Variants in CREG2 observed in about 807,000 individuals in gnomAD.
The protein encoded by CREG2 is cellular repressor of E1A stimulated genes 2.
Under a neutral mutation model 26.2 loss-of-function variants are expected in CREG2, and 24 were observed. The observed-to-expected ratio is 0.92, with a 90% CI of 0.66 to 1.29. The LOEUF is 1.29. CREG2 is among the 50% of genes most tolerant of loss of function. The pLI is 0.00. For synonymous variants in CREG2, 174 were observed against 169.2 expected (o/e 1.03, Z -0.22); for missense variants, 366 against 398.6 (o/e 0.92, Z 0.70).
intron 2 of CREG2, among the ~76,000 whole-genome samples, chr2:101,366,737 G>A (rs1042552944): frequency 1.1e-4 from 16 of 152,160 alleles, no homozygotes; most frequent in Admixed American, 3.3e-4. Flanking sequence ...CAGGAGAATC[G>A]CTTGAACCCA....
intron 3 of CREG2, among the ~76,000 whole-genome samples, chr2:101,351,928 C>T (rs1257805547): frequency 6.6e-6 from 1 of 152,010 alleles, no homozygotes; most frequent in East Asian, 1.9e-4. Flanking sequence ...CTCTGTTGCC[C>T]TGGCTGGAGT....
chr2:101,379,557 T>A (rs1397928594), intron 2 of CREG2, among the ~76,000 whole-genome samples: 2 of 152,202 alleles, frequency 1.3e-5, no homozygotes, highest in East Asian at 3.9e-4. Flanking sequence ...GATCTAAATA[T>A]CATTTTTGAG....
At chr2:101,361,281 C>A (rs936967667) in intron 2 of CREG2, among the ~76,000 whole-genome samples, 5 of 152,194 alleles carry the variant, frequency 3.3e-5, no homozygotes, top group African/African-American at 9.6e-5. Context: ...GCTAATGGCC[C>A]CCCAAAGATG....
intron 2 of CREG2, among the ~76,000 whole-genome samples, chr2:101,361,158 A>G (rs1684533248): frequency 6.6e-6 from 1 of 152,232 alleles, no homozygotes; most frequent in Non-Finnish European, 1.5e-5. Context: ...GGGTAATTAC[A>G]TAGAAATAAA....
At chr2:101,361,284 C>A (rs2104473867) in intron 2 of CREG2, among the ~76,000 whole-genome samples, 1 of 152,330 alleles carries the variant, frequency 6.6e-6, no homozygotes, top group South Asian at 2.1e-4. Context: ...AATGGCCCCC[C>A]AAAGATGTCC....
chr2:101,365,614 C>A (rs1433934393), intron 2 of CREG2, among the ~76,000 whole-genome samples: 1 of 152,146 alleles, frequency 6.6e-6, no homozygotes, highest in Non-Finnish European at 1.5e-5. Flanking sequence ...TTTTATTTTA[C>A]AGCATACCAG....
At chr2:101,373,334 T>G (rs1290597854) in intron 2 of CREG2, among the ~76,000 whole-genome samples, 4 of 152,212 alleles carry the variant, frequency 2.6e-5, no homozygotes, top group Non-Finnish European at 5.9e-5. Flanking sequence ...TGATGAACCT[T>G]GAAAACATTA....
In CREG2 at chr2:101,379,770, C is replaced by G. The variant is rs144140330; in HGVS notation, c.611+3763G>C. Among the ~76,000 whole-genome samples, 260 of 152,250 alleles carry G rather than the reference C, an allele frequency of 1.7e-3. 1 individual carries two copies. Among genetic ancestry groups the G allele is most frequent in the African/African-American group, 5.2e-3 (215 of 41,546 alleles). On this transcript the variant is annotated intron_variant, in intron 2 of 3. Transcript: ENST00000324768. The stretch of plus-strand genomic sequence containing the variant: ...TATTTATTCTGAGAGGGAGGCAGGC[C>G]CCTGGCCATGAAGGGCCTCCTAGGC...
intron 2 of CREG2, among the ~76,000 whole-genome samples, chr2:101,359,174 C>T (rs553532012): frequency 2.6e-5 from 4 of 151,138 alleles, no homozygotes; most frequent in South Asian, 2.1e-4. Context: ...GGGGGCCAAG[C>T]GGGCAACTTG....
intron 2 of CREG2, among the ~76,000 whole-genome samples, chr2:101,363,234 A>G (rs1030728673): frequency 4.6e-5 from 7 of 152,184 alleles, no homozygotes; most frequent in African/African-American, 1.7e-4. Context: ...CTGAATTGGG[A>G]GAATGATCAG....
Position 101,387,260 on chromosome 2 carries a change from C to G in CREG2, c.198G>C (p.Ser66=). 3.4e-6 allele frequency: 5 copies of G among 1,468,790 alleles called. No individual in the cohort carries two copies. Among genetic ancestry groups the G allele is most frequent in the Non-Finnish European group, 4.5e-6 (5 of 1,101,262 alleles). The allele number at this position is 1,468,790 out of a possible 1,614,324, so 91.0% of individuals were successfully genotyped here. A position where few individuals can be genotyped will look rare whatever the true frequency, so the allele number is the denominator to read the frequency against. ...GGAAGCTTTGCTGCCAGATGCTGCC[C>G]GAATCCTCTAGCAGCGCGGGCATAG... The part of the protein sequence containing the change: ...EEAMPALLED[S]GSIWQQSFPA... Residue 66 remains serine, a synonymous_variant, in exon 1 of 4, where the codon TCG becomes TCC. Coordinates refer to ENST00000324768, the MANE Select transcript of CREG2 (RefSeq NM_153836.4). The surrounding 1 kb of genome is among the most constrained non-coding windows in gnomAD (Gnocchi z 4.7).
intron 2 of CREG2, among the ~76,000 whole-genome samples, chr2:101,359,960 CT>C (rs1269097177): frequency 6.6e-6 from 1 of 152,240 alleles, no homozygotes; most frequent in African/African-American, 2.4e-5. Flanking sequence ...CAATCTAAGT[CT>C]GGCTCCTGAA....
At chr2:101,351,462 A>C (rs1052446845) in intron 3 of CREG2, among the ~76,000 whole-genome samples, 3 of 152,256 alleles carry the variant, frequency 2.0e-5, no homozygotes, top group African/African-American at 7.2e-5. Flanking sequence ...AAACACCTGC[A>C]GAGAGTGAGT....
At chr2:101,370,275 A>C (rs946361155) in intron 2 of CREG2, among the ~76,000 whole-genome samples, 2 of 152,204 alleles carry the variant, frequency 1.3e-5, no homozygotes, top group Non-Finnish European at 2.9e-5. Flanking sequence ...TTAGAGTATA[A>C]ATAGGGCACT....
chr2:101,383,712 AC>A lies in CREG2; in HGVS notation c.442-11del. The A allele has an allele frequency of 6.3e-7, 1 of 1,587,738 alleles. No individual in the cohort carries two copies. Among genetic ancestry groups the A allele is most frequent in the Non-Finnish European group, 8.6e-7 (1 of 1,167,108 alleles). On this transcript the variant is annotated splice_polypyrimidine_tract_variant and intron_variant, in intron 1 of 3. Transcript: ENST00000324768. ...ATGGCAGTCCTTGGATCTAACAAAC[AC>A]CAAAAAAGGCTTTTTCAGTGCAGAG...
intron 2 of CREG2, among the ~76,000 whole-genome samples, chr2:101,377,631 A>G (rs1684812651): frequency 6.6e-6 from 1 of 152,186 alleles, no homozygotes; most frequent in Admixed American, 6.5e-5. Flanking sequence ...GGAAATAAAG[A>G]GGAGAGGGCG....
In CREG2 at chr2:101,367,595, C is replaced by T. The variant is rs115785500; in HGVS notation, c.612-12229G>A. On this transcript the variant is annotated intron_variant, in intron 2 of 3. Coordinates refer to ENST00000324768, the MANE Select transcript of CREG2 (RefSeq NM_153836.4). ...GAGGTAGGTGGAATAGCAGCTCGCCCAAAGATGTCTTAATCCCCAGATGCC... is the reference window on the plus strand; with the variant it reads ...GAGGTAGGTGGAATAGCAGCTCGCCTAAAGATGTCTTAATCCCCAGATGCC... Among the ~76,000 whole-genome samples the T allele has an allele frequency of 4.3e-3, 658 of 152,250 alleles. 7 individuals carry two copies. Among genetic ancestry groups the T allele is most frequent in the African/African-American group, 0.014 (597 of 41,538 alleles).
chr2:101,374,980 G>A (rs1558819722), intron 2 of CREG2, among the ~76,000 whole-genome samples: 1 of 152,156 alleles, frequency 6.6e-6, no homozygotes, highest in Non-Finnish European at 1.5e-5. Context: ...AAGGCAAACT[G>A]ACCCGCCTGC....
At chr2:101,351,425 G>C (rs1684380284) in intron 3 of CREG2, among the ~76,000 whole-genome samples, 1 of 152,234 alleles carries the variant, frequency 6.6e-6, no homozygotes, top group South Asian at 2.1e-4. Flanking sequence ...AGGGCTGTGT[G>C]GGGAAGCAGG....
Sources: gnomAD v4.1 joint callset for allele counts (sites outside exome capture counted in the v4.1 genomes callset) on GRCh38, gnomAD v4.1.1 for gene constraint, Gnocchi (gnomAD v3.1) non-coding constraint, MANE v1.5 for transcripts, NCBI Gene and HGNC (gene_info 2026-07-23, HGNC 2026-07-21) for gene names.